The following LRRN3 variants were observed in gnomAD, a reference collection of about 807,000 sequenced individuals.
LRRN3 encodes leucine rich repeat neuronal 3, also known as leucine-rich repeat neuronal protein 3.
A neutral mutation model predicts 40.1 loss-of-function variants in LRRN3; 15 were observed. That is an observed-to-expected ratio of 0.37 (90% confidence interval 0.25 to 0.58). The LOEUF is 0.58. Ranked by LOEUF, LRRN3 falls within the 20% of genes least tolerant of loss-of-function variation. The probability of loss-of-function intolerance (pLI) is 0.72; values close to 1 mark genes in which losing one functional copy is unlikely to be tolerated. For missense variants in LRRN3, 746 were observed against 837.7 expected, an observed-to-expected ratio of 0.89 and a Z score of 1.35; for synonymous variants, 308 against 297.2, an observed-to-expected ratio of 1.04 and a Z score of -0.37.
At chr7:111,116,253 C>CT (rs1799865536) in intron 2 of LRRN3, among the ~76,000 whole-genome samples, 1 of 152,076 alleles carries the variant, frequency 6.6e-6, no homozygotes, top group East Asian at 1.9e-4. Flanking sequence ...TTAATGCTTG[C>CT]TGGGTAAAAA....
intron 2 of LRRN3, among the ~76,000 whole-genome samples, chr7:111,101,324 C>T (rs1304507863): frequency 2.0e-5 from 3 of 151,222 alleles, no homozygotes; most frequent in East Asian, 1.9e-4. Flanking sequence ...TACTGATAAG[C>T]GATAATGTCT....
At chr7:111,095,095 C>T (rs984409458) in intron 1 of LRRN3, among the ~76,000 whole-genome samples, 5 of 151,920 alleles carry the variant, frequency 3.3e-5, no homozygotes, top group Non-Finnish European at 4.4e-5. Context: ...GAAGAATTTT[C>T]TATGGTGCCA....
intron 2 of LRRN3, among the ~76,000 whole-genome samples, chr7:111,109,520 A>C (rs1812500593): frequency 5.9e-5 from 9 of 152,160 alleles, no homozygotes; most frequent in Admixed American, 5.9e-4. Context: ...TATATCTGCG[A>C]CACAAAGCTT....
At chr7:111,104,281 C>T (rs116828887) in intron 2 of LRRN3, among the ~76,000 whole-genome samples, 2,139 of 151,804 alleles carry the variant, frequency 0.014, 64 homozygotes, top group African/African-American at 0.049. Flanking sequence ...TTCTCCCACT[C>T]CCTCTGTGTC....
At chr7:111,101,432 A>G (rs1797963210) in intron 2 of LRRN3, among the ~76,000 whole-genome samples, 1 of 151,538 alleles carries the variant, frequency 6.6e-6, no homozygotes, top group Non-Finnish European at 1.5e-5. Context: ...AATCTGTGAG[A>G]GTAACACCTA....
chr7:111,098,815 A>T (rs1214420831), intron 1 of LRRN3, among the ~76,000 whole-genome samples: 1 of 151,714 alleles, frequency 6.6e-6, no homozygotes, highest in Admixed American at 6.6e-5. Context: ...TCGAAAGAAC[A>T]AGCCTTTGTG....
At chr7:111,121,173 C>A (rs1227280902) in intron 2 of LRRN3, among the ~76,000 whole-genome samples, 1 of 152,208 alleles carries the variant, frequency 6.6e-6, no homozygotes, top group African/African-American at 2.4e-5. Flanking sequence ...TTATCAAGGA[C>A]ATATCCTTCG....
At chr7:111,114,769 A>G in intron 2 of LRRN3, among the ~76,000 whole-genome samples, 1 of 152,004 alleles carries the variant, frequency 6.6e-6, no homozygotes, top group Non-Finnish European at 1.5e-5. Flanking sequence ...AAAGAAAAAA[A>G]AAGAAATACA....
intron 2 of LRRN3, among the ~76,000 whole-genome samples, chr7:111,118,939 C>T (rs1215712412): frequency 6.6e-6 from 1 of 152,040 alleles, no homozygotes; most frequent in African/African-American, 2.4e-5. Flanking sequence ...TAGCATATGG[C>T]TATGTAAATG....
At chr7:111,112,385 T>G (rs1199589239) in intron 2 of LRRN3, among the ~76,000 whole-genome samples, 1 of 152,188 alleles carries the variant, frequency 6.6e-6, no homozygotes, top group African/African-American at 2.4e-5. Context: ...ACTTCGTACT[T>G]CAGAGTGCCA....
chr7:111,099,158 C>T (rs1000106734), intron 1 of LRRN3, among the ~76,000 whole-genome samples: 1 of 151,698 alleles, frequency 6.6e-6, no homozygotes, highest in Non-Finnish European at 1.5e-5. Context: ...CATACTTCTT[C>T]ACCTGAGGTC....
intron 2 of LRRN3, among the ~76,000 whole-genome samples, chr7:111,105,559 T>C (rs775897261): frequency 9.9e-5 from 15 of 151,892 alleles, no homozygotes; most frequent in Non-Finnish European, 2.1e-4. Flanking sequence ...AACTGCCACA[T>C]GCAATTTAGC....
In LRRN3 at chr7:111,124,927, A is replaced by G; in HGVS notation, c.*28A>G. On this transcript the variant is annotated 3_prime_UTR_variant, in exon 3 of 3. Coordinates refer to ENST00000308478, the MANE Select transcript of LRRN3 (RefSeq NM_001099658.2). Reference sequence around the variant, plus strand: ...ACCACCAAGGAAACCTACTCCAAAAATGAACAAAAAAAAAAAAAGCGAAAG... The same window carrying G: ...ACCACCAAGGAAACCTACTCCAAAAGTGAACAAAAAAAAAAAAAGCGAAAG... The G allele has an allele frequency of 7.2e-7, 1 of 1,382,492 alleles. No homozygotes were observed. Among genetic ancestry groups the G allele is most frequent in the Non-Finnish European group, 9.7e-7 (1 of 1,025,680 alleles). 85.6% of individuals were successfully genotyped at this position (1,382,492 alleles called of 1,614,324 possible). A position where few individuals can be genotyped will look rare whatever the true frequency, so the allele number is the denominator to read the frequency against.
intron 2 of LRRN3, among the ~76,000 whole-genome samples, chr7:111,104,239 G>A (rs1424821573): frequency 1.3e-5 from 2 of 151,554 alleles, no homozygotes; most frequent in East Asian, 3.9e-4. Context: ...GAAACTCCAG[G>A]TAGGGGAGAG....
Position 111,119,629 on chromosome 7 carries a change from T to A in LRRN3, c.-358-2786T>A, listed in dbSNP as rs75539080. On this transcript the variant is annotated intron_variant, in intron 2 of 2. Coordinates refer to ENST00000308478, the MANE Select transcript of LRRN3 (RefSeq NM_001099658.2). Reference sequence around the variant, plus strand: ...ACACATTAAAACAGATTTACTGAAATTAGAAATTAAGCAGATAGAATTACT... The same window carrying A: ...ACACATTAAAACAGATTTACTGAAAATAGAAATTAAGCAGATAGAATTACT... Among the ~76,000 whole-genome samples the A allele has an allele frequency of 3.0e-4, 46 of 152,326 alleles. No homozygotes were observed. In the East Asian group the frequency reaches 7.3e-3, roughly 24 times the overall value.
chr7:111,124,199 A>G lies in LRRN3; in HGVS notation c.1427A>G (p.His476Arg). The G allele has an allele frequency of 1.2e-6, 2 of 1,613,954 alleles. No individual in the cohort carries two copies. The highest frequency in any genetic ancestry group is 1.7e-6 in the Non-Finnish European group (2 of 1,179,930). The change falls in exon 3 of 3, where the codon CAT becomes CGT. Residue 476 changes from histidine to arginine, a missense_variant. Coordinates refer to ENST00000308478, the MANE Select transcript of LRRN3 (RefSeq NM_001099658.2). ...PNTLTDKFYV[H>R]SEGTLDINGV... ...ACCCTGACAGACAAGTTCTATGTCCATTCTGAGGGAACACTAGATATAAAT... is the reference window on the plus strand; with the variant it reads ...ACCCTGACAGACAAGTTCTATGTCCGTTCTGAGGGAACACTAGATATAAAT...
chr7:111,107,240 A>G (rs1586311313), intron 2 of LRRN3, among the ~76,000 whole-genome samples: 1 of 151,922 alleles, frequency 6.6e-6, no homozygotes, highest in East Asian at 1.9e-4. Context: ...TTCTTTTTAG[A>G]CAGACTTTGA....
intron 2 of LRRN3, among the ~76,000 whole-genome samples, chr7:111,111,254 C>T (rs1481677850): frequency 7.0e-6 from 1 of 143,284 alleles, no homozygotes; most frequent in South Asian, 2.2e-4. Flanking sequence ...TGCAAAAAGA[C>T]GCTTATGTGG....
At chr7:111,114,634 G>A (rs1241604056) in intron 2 of LRRN3, among the ~76,000 whole-genome samples, 1 of 151,642 alleles carries the variant, frequency 6.6e-6, no homozygotes, top group East Asian at 1.9e-4. Context: ...CACTTGGGAG[G>A]CTGAGGCAGG....
Sources: allele counts gnomAD v4.1 joint callset (sites outside exome capture counted in the v4.1 genomes callset), GRCh38; gene constraint gnomAD v4.1.1; transcripts MANE v1.5; gene names NCBI Gene and HGNC (gene_info 2026-07-23, HGNC 2026-07-21).